Variants in ALPK1 observed in about 807,000 individuals in gnomAD.
The protein encoded by ALPK1 is alpha-protein kinase 1.
ALPK1 carries 110 observed loss-of-function variants against 120.6 expected under a neutral mutation model. The ratio of observed to expected loss-of-function variants is 0.91; its 90% CI spans 0.78 to 1.07. ALPK1 has a LOEUF of 1.07. Ranked by LOEUF, ALPK1 falls within the 50% of genes least tolerant of loss-of-function variation. The pLI is 0.00. For synonymous variants in ALPK1, 582 were observed against 560.3 expected (o/e 1.04, Z -0.55); for missense variants, 1,498 against 1,483.9 (o/e 1.01, Z -0.16).
intron 2 of ALPK1, chr4:112,356,765 C>G: frequency 1.3e-6 from 1 of 764,290 alleles, no homozygotes; most frequent in African/African-American, 1.7e-5. Context: ...TTACCTGTCC[C>G]GGAACCTGAA....
chr4:112,307,133 T>A (rs991004467), intron 1 of ALPK1, among the ~76,000 whole-genome samples: 5 of 152,140 alleles, frequency 3.3e-5, no homozygotes, highest in African/African-American at 9.7e-5. Context: ...TTATAATTTC[T>A]GTTCTTTTAC....
chr4:112,358,456 T>C, intron 2 of ALPK1: 3 of 659,162 alleles, frequency 4.6e-6, no homozygotes, highest in Non-Finnish European at 8.2e-6. Context: ...CCAGGAAAGC[T>C]AAGAGTCTCG....
chr4:112,309,849 C>A (rs1339503439), intron 1 of ALPK1, among the ~76,000 whole-genome samples: 1 of 152,068 alleles, frequency 6.6e-6, no homozygotes, highest in African/African-American at 2.4e-5. Context: ...GCATCACTAC[C>A]CCTGGGAAGA....
intron 4 of ALPK1, among the ~76,000 whole-genome samples, chr4:112,385,203 A>C (rs1732098830): frequency 6.6e-6 from 1 of 152,224 alleles, no homozygotes; most frequent in Admixed American, 6.5e-5. Context: ...TGTTTTAAAC[A>C]TCATTAAAAA....
At position 112,377,882 on chromosome 4, in the gene ALPK1, G is replaced by A; in HGVS notation, c.105G>A (p.Glu35=). The A allele has an allele frequency of 6.2e-7, 1 of 1,612,000 alleles. No individual in the cohort carries two copies. Among genetic ancestry groups the A allele is most frequent in the Non-Finnish European group, 8.5e-7 (1 of 1,178,730 alleles). The change falls in exon 3 of 16, where the codon GAG becomes GAA. Residue 35 remains glutamate (E), a synonymous_variant. Coordinates refer to ENST00000650871, the MANE Select transcript of ALPK1 (RefSeq NM_025144.4). Reference sequence around the variant, plus strand: ...ATGTGTCGGAAGAGGACAAGAGCGAGGACCAGCGCTGCAGAGGTGAGGTTC... The same window carrying A: ...ATGTGTCGGAAGAGGACAAGAGCGAAGACCAGCGCTGCAGAGGTGAGGTTC... The part of the protein sequence containing the change: ...APDVSEEDKS[E]DQRCRALLPS...
At chr4:112,386,166 G>C (rs1242822264) in intron 4 of ALPK1, among the ~76,000 whole-genome samples, 1 of 152,084 alleles carries the variant, frequency 6.6e-6, no homozygotes, top group Non-Finnish European at 1.5e-5. Flanking sequence ...TTTGCTTTCT[G>C]GTCTCCACTG....
intron 2 of ALPK1, among the ~76,000 whole-genome samples, chr4:112,350,862 ACTGCCTC>A (rs1437730424): frequency 6.6e-6 from 1 of 152,172 alleles, no homozygotes; most frequent in Non-Finnish European, 1.5e-5. Flanking sequence ...CTACTTTATG[ACTGCCTC>A]CTAGTATCAT....
At chr4:112,324,974 AGG>A (rs200249583) in intron 2 of ALPK1, among the ~76,000 whole-genome samples, 8,769 of 113,614 alleles carry the variant, frequency 0.077, 357 homozygotes, top group Non-Finnish European at 0.092. Context: ...ACCAAAAAAA[AGG>A]GGGGGGGGGG....
intron 2 of ALPK1, among the ~76,000 whole-genome samples, chr4:112,366,052 CA>C (rs1248076139): frequency 1.8e-4 from 27 of 151,972 alleles, no homozygotes; most frequent in Non-Finnish European, 2.9e-5. Flanking sequence ...ATACAAAAAT[CA>C]ACTCAAGATG....
At chr4:112,355,950 G>A (rs1375244598) in intron 2 of ALPK1, among the ~76,000 whole-genome samples, 1 of 152,260 alleles carries the variant, frequency 6.6e-6, no homozygotes, top group East Asian at 1.9e-4. Flanking sequence ...GGCTGGCCGG[G>A]GAGACAAGAG....
intron 5 of ALPK1, among the ~76,000 whole-genome samples, chr4:112,422,452 G>A (rs1578560007): frequency 6.6e-6 from 1 of 152,148 alleles, no homozygotes; most frequent in East Asian, 1.9e-4. Flanking sequence ...CATTACTCCT[G>A]GAGACCATGT....
At chr4:112,371,769 T>G (rs528343324) in intron 2 of ALPK1, among the ~76,000 whole-genome samples, 1 of 152,328 alleles carries the variant, frequency 6.6e-6, no homozygotes, top group African/African-American at 2.4e-5. Flanking sequence ...ACTTCTAAAA[T>G]TCAAGCCAAT....
intron 6 of ALPK1, chr4:112,425,014 G>T (rs572485049): frequency 6.6e-5 from 10 of 152,558 alleles, no homozygotes; most frequent in Admixed American, 2.6e-4. Flanking sequence ...CCAGCTTACA[G>T]GAACCTTTAC....
In ALPK1 at chr4:112,429,227, AC is replaced by A; in HGVS notation, c.875del (p.Thr292SerfsTer9). The A allele has an allele frequency of 6.2e-7, 1 of 1,612,846 alleles. No individual in the cohort carries two copies. Among genetic ancestry groups the A allele is most frequent in the Non-Finnish European group, 8.5e-7 (1 of 1,179,946 alleles). On this transcript the variant is annotated frameshift_variant, in exon 10 of 16. Coordinates refer to ENST00000650871, the MANE Select transcript of ALPK1 (RefSeq NM_025144.4). LOFTEE classifies it high-confidence loss of function. ...GCTGGCAGCTGCCTTCAGTGCCTATACGCCGCTCTTCGTGCTCACAGCTGTG... is the reference window on the plus strand; with the variant it reads ...GCTGGCAGCTGCCTTCAGTGCCTATAGCCGCTCTTCGTGCTCACAGCTGTG... ...CKLAAAFSAY[T>X]PLFVLTAVNI... is the part of the protein sequence containing the mutation.
At chr4:112,381,585 C>A (rs62316106) in intron 3 of ALPK1, among the ~76,000 whole-genome samples, 1 of 152,052 alleles carries the variant, frequency 6.6e-6, no homozygotes, top group Non-Finnish European at 1.5e-5. Context: ...GGTGCATGTA[C>A]TGTACATCAC....
intron 2 of ALPK1, among the ~76,000 whole-genome samples, chr4:112,370,384 C>G (rs528526966): frequency 1.3e-5 from 2 of 151,764 alleles, no homozygotes; most frequent in African/African-American, 4.8e-5. Context: ...TTTTCCTGGA[C>G]CCTTTCTATT....
In ALPK1 at chr4:112,431,600, G is replaced by T; in HGVS notation, c.2053G>T (p.Ala685Ser). 6.2e-7 allele frequency: 1 copy of T among 1,614,124 alleles called. No homozygotes were observed. The highest frequency in any genetic ancestry group is 1.1e-5 in the South Asian group (1 of 91,078). ...TCATAATACCCCAGGCATTTTCTTG[G>T]CCCCTGGTGCAGGGCTTCTAGAAGG... Reference protein sequence around the residue: ...SPHNTPGIFLAPGAGLLEGAP... With the variant: ...SPHNTPGIFLSPGAGLLEGAP... The change falls in exon 11 of 16, where the codon GCC becomes TCC. Residue 685 changes from alanine (A) to serine (S), a missense_variant. Transcript: ENST00000650871.
At chr4:112,419,883 T>C (rs1560679760) in intron 5 of ALPK1, among the ~76,000 whole-genome samples, 1 of 152,320 alleles carries the variant, frequency 6.6e-6, no homozygotes, top group African/African-American at 2.4e-5. Flanking sequence ...ATGAAGACAA[T>C]AGAGTGCTTA....
intron 3 of ALPK1, among the ~76,000 whole-genome samples, chr4:112,379,503 C>G (rs898517200): frequency 1.3e-5 from 2 of 152,262 alleles, no homozygotes; most frequent in Admixed American, 1.3e-4. Flanking sequence ...GCGTGTCCCA[C>G]CCGAGCCCAC....
Sources: allele counts gnomAD v4.1 joint callset (sites outside exome capture counted in the v4.1 genomes callset), GRCh38; gene constraint gnomAD v4.1.1; transcripts MANE v1.5; gene names NCBI Gene and HGNC (gene_info 2026-07-23, HGNC 2026-07-21).